Variants in AKIRIN1 observed in about 807,000 individuals in gnomAD.
AKIRIN1 encodes akirin 1.
In AKIRIN1, 4 loss-of-function variants were observed where a neutral mutation model predicts 25.9. That is an observed-to-expected ratio of 0.15 (90% confidence interval 0.08 to 0.35). The LOEUF (loss-of-function observed/expected upper bound fraction) is 0.35. Among genes scored for constraint, AKIRIN1 ranks in the 10% least tolerant of loss-of-function variants. The pLI is 1.00. For synonymous variants in AKIRIN1, 125 were observed against 105.1 expected (o/e 1.19, Z -1.16); for missense variants, 243 against 266.1 (o/e 0.91, Z 0.61).
intron 2 of AKIRIN1, among the ~76,000 whole-genome samples, chr1:39,000,730 C>G (rs1643983638): frequency 2.6e-5 from 4 of 151,798 alleles, no homozygotes; most frequent in Admixed American, 2.6e-4. Context: ...AATCTTGACT[C>G]ACTGCAACCG....
At chr1:39,002,627 G>A (rs547852535) in intron 3 of AKIRIN1, among the ~76,000 whole-genome samples, 1 of 152,240 alleles carries the variant, frequency 6.6e-6, no homozygotes, top group South Asian at 2.1e-4. Context: ...CTACTCGGGA[G>A]GCTGAGGCAG....
At chr1:39,001,601 T>C (rs1314310514) in intron 3 of AKIRIN1, among the ~76,000 whole-genome samples, 1 of 152,106 alleles carries the variant, frequency 6.6e-6, no homozygotes, top group Non-Finnish European at 1.5e-5. Flanking sequence ...AAGGTTTTGC[T>C]GTGAGCCCAG....
At chr1:38,999,122 A>G (rs1477812041) in intron 2 of AKIRIN1, among the ~76,000 whole-genome samples, 2 of 152,134 alleles carry the variant, frequency 1.3e-5, no homozygotes, top group African/African-American at 2.4e-5. Context: ...TGCCTGCCAT[A>G]TTGCCTCCTG....
At chr1:39,003,230 A>G in intron 3 of AKIRIN1, 117 bp from the exon 4 acceptor site, 1 of 911,224 alleles carries the variant, frequency 1.1e-6, no homozygotes, top group East Asian at 2.6e-5. Flanking sequence ...GGACCTTTAT[A>G]AAGAGGGCCT....
At chr1:38,992,431 C>T (rs1472675481) in intron 1 of AKIRIN1, among the ~76,000 whole-genome samples, 8 of 152,090 alleles carry the variant, frequency 5.3e-5, no homozygotes, top group African/African-American at 9.7e-5. Flanking sequence ...ATGAGGGGGG[C>T]GTCTCAATAA....
At chr1:38,997,736 C>T (rs529468733) in intron 1 of AKIRIN1, among the ~76,000 whole-genome samples, 1 of 152,174 alleles carries the variant, frequency 6.6e-6, no homozygotes, top group Non-Finnish European at 1.5e-5. Flanking sequence ...GTATGAGACT[C>T]ACCCCTTAAT....
At position 39,003,357 on chromosome 1, in the gene AKIRIN1, A is replaced by G; in HGVS notation, c.507A>G (p.Glu169=). Residue 169 remains glutamate, a synonymous_variant, in exon 4 of 5, where the codon GAA becomes GAG. Coordinates refer to ENST00000432648, the MANE Select transcript of AKIRIN1 (RefSeq NM_024595.3). ...ACTGTCTTCTCACAGAACAATATGA[A>G]TCTTTTGTGAAATTCACACATGATC... ...ILNTKLAEQY[E]SFVKFTHDQI... 1.9e-6 allele frequency: 3 copies of G among 1,613,812 alleles called. No homozygotes were observed. The highest frequency in any genetic ancestry group is 4.5e-5 in the East Asian group (2 of 44,872).
chr1:39,003,473 A>G lies in AKIRIN1; in HGVS notation c.568+55A>G, dbSNP rs191951410. On this transcript the variant is annotated intron_variant, in intron 4 of 4. Transcript: ENST00000432648. ...TCTAAGTTTCAAGAGCAAAATTTCT[A>G]CACTGAAACTTCTCTCCTCAGAGTA... 2.5e-5 allele frequency: 38 copies of G among 1,525,520 alleles called. No individual in the cohort carries two copies. The Admixed American group carries it at 6.3e-4, about 25-fold the overall frequency. 94.5% of individuals were successfully genotyped at this position (1,525,520 alleles called of 1,614,324 possible).
chr1:38,992,769 T>C (rs1643917598), intron 1 of AKIRIN1, among the ~76,000 whole-genome samples: 1 of 152,164 alleles, frequency 6.6e-6, no homozygotes, highest in Non-Finnish European at 1.5e-5. Context: ...ACTGTGCCTC[T>C]GCTTTTTCCC....
chr1:38,994,362 T>C (rs1036552319), intron 1 of AKIRIN1, among the ~76,000 whole-genome samples: 2 of 152,190 alleles, frequency 1.3e-5, no homozygotes, highest in African/African-American at 4.8e-5. Flanking sequence ...TAAATCTTTA[T>C]TGAGTGCTAG....
At chr1:39,001,499 C>T (rs1487042473) in intron 3 of AKIRIN1, among the ~76,000 whole-genome samples, 1 of 152,012 alleles carries the variant, frequency 6.6e-6, no homozygotes, top group Non-Finnish European at 1.5e-5. Context: ...CTCCTGACCT[C>T]AGGTGATCCG....
chr1:38,997,077 A>G (rs1381276189), intron 1 of AKIRIN1, among the ~76,000 whole-genome samples: 1 of 152,036 alleles, frequency 6.6e-6, no homozygotes, highest in Non-Finnish European at 1.5e-5. Context: ...GCTAGTAAGA[A>G]GCAAAGTGGC....
In AKIRIN1 at chr1:38,991,617, T is replaced by C. The variant is rs1273582135; in HGVS notation, c.220+17T>C. 1 of 992,584 alleles carries C rather than the reference T, an allele frequency of 1.0e-6. No individual in the cohort carries two copies. Among genetic ancestry groups the C allele is most frequent in the Non-Finnish European group, 1.2e-6 (1 of 847,048 alleles). 61.5% of individuals were successfully genotyped at this position (992,584 alleles called of 1,614,324 possible). A position where few individuals can be genotyped will look rare whatever the true frequency, so the allele number is the denominator to read the frequency against. On this transcript the variant is annotated intron_variant, in intron 1 of 4. Coordinates refer to ENST00000432648, the MANE Select transcript of AKIRIN1 (RefSeq NM_024595.3). ...CAACTCCGGGTAACCTGCCCTGCTC[T>C]GGGTTTGGCAGGAAGCCAGGCCCAG...
Position 38,998,873 on chromosome 1 carries a change from CA to C in AKIRIN1, c.361+575del, listed in dbSNP as rs397860789. ...TGGGTGACAGAGTGAGTCTCTGTCTCAAAAAAAAAAAAAGTTTTTTTAAAAT... is the reference window on the plus strand; with the variant it reads ...TGGGTGACAGAGTGAGTCTCTGTCTCAAAAAAAAAAAAGTTTTTTTAAAAT... On this transcript the variant is annotated intron_variant, in intron 2 of 4. Coordinates refer to ENST00000432648, the MANE Select transcript of AKIRIN1 (RefSeq NM_024595.3). Among the ~76,000 whole-genome samples the C allele has an allele frequency of 3.6e-3, 495 of 136,970 alleles. 3 individuals are homozygous for C. Among genetic ancestry groups the C allele is most frequent in the African/African-American group, 0.01 (376 of 37,362 alleles). The allele number at this position is 136,970 out of a possible 152,430, so 89.9% of individuals were successfully genotyped here.
At chr1:39,003,445 T>A (rs941066345) in intron 4 of AKIRIN1, 27 bp downstream of exon 4, 12 of 1,605,620 alleles carry the variant, frequency 7.5e-6, no homozygotes, top group African/African-American at 5.4e-5. Flanking sequence ...TTTCTTTGAA[T>A]TTTCTAAGTT....
chr1:38,998,444 T>A, intron 2 of AKIRIN1, 133 bp downstream of exon 2: 1 of 1,075,040 alleles, frequency 9.3e-7, no homozygotes, highest in Non-Finnish European at 1.3e-6. Flanking sequence ...CAGATATTTT[T>A]AAAACTATAC....
intron 2 of AKIRIN1, among the ~76,000 whole-genome samples, chr1:38,999,671 C>G (rs1643973729): frequency 6.6e-6 from 1 of 151,838 alleles, no homozygotes; most frequent in African/African-American, 2.4e-5. Flanking sequence ...CAAATAATGA[C>G]TAGTGAGATG....
intron 1 of AKIRIN1, 33 bp downstream of exon 1, chr1:38,991,633 CCAGG>C (rs1643906329): frequency 8.1e-7 from 1 of 1,232,422 alleles, no homozygotes. Context: ...TGGCAGGAAG[CCAGG>C]CCCAGGCATT....
intron 1 of AKIRIN1, among the ~76,000 whole-genome samples, chr1:38,997,789 A>G (rs1205227941): frequency 6.6e-6 from 1 of 152,248 alleles, no homozygotes; most frequent in African/African-American, 2.4e-5. Context: ...AGATTAAAAA[A>G]TAATCCCTGT....
Sources: allele counts gnomAD v4.1 joint callset (sites outside exome capture counted in the v4.1 genomes callset), GRCh38; gene constraint gnomAD v4.1.1; transcripts MANE v1.5; gene names NCBI Gene and HGNC (gene_info 2026-07-23, HGNC 2026-07-21).